Variants in CAP2 observed in about 807,000 individuals in gnomAD.
The protein encoded by CAP2 is adenylyl cyclase-associated protein 2.
Under a neutral mutation model 57.7 loss-of-function variants are expected in CAP2, and 24 were observed. That is an observed-to-expected ratio of 0.42 (90% CI 0.30 to 0.58). The LOEUF is 0.58. CAP2 is among the 20% of genes least tolerant of loss of function. CAP2 has a pLI of 0.22. For missense variants in CAP2, 501 were observed against 590.3 expected (o/e 0.85, Z 1.57); for synonymous variants, 194 against 207.2 (o/e 0.94, Z 0.55).
intron 3 of CAP2, among the ~76,000 whole-genome samples, chr6:17,453,178 G>T (rs1177210379): frequency 6.6e-6 from 1 of 152,208 alleles, no homozygotes; most frequent in Non-Finnish European, 1.5e-5. Flanking sequence ...GGTGGAAACT[G>T]AGATTTGAAG....
intron 4 of CAP2, among the ~76,000 whole-genome samples, chr6:17,484,399 T>C (rs965751004): frequency 5.9e-5 from 9 of 152,224 alleles, no homozygotes; most frequent in Admixed American, 3.9e-4. Flanking sequence ...ACCACAGGGG[T>C]GCCTCTTTGT....
chr6:17,523,081 G>T (rs9477468), intron 7 of CAP2, among the ~76,000 whole-genome samples: 39,123 of 152,096 alleles, frequency 0.26, 6,165 homozygotes, highest in African/African-American at 0.45. Context: ...TAATGACTTA[G>T]GAATTGCATA....
intron 4 of CAP2, among the ~76,000 whole-genome samples, chr6:17,498,914 A>G (rs1256589085): frequency 6.6e-6 from 1 of 151,828 alleles, no homozygotes; most frequent in African/African-American, 2.4e-5. Flanking sequence ...TATCTTTAGT[A>G]GAGGTGGGGT....
At chr6:17,530,142 T>C (rs1185424926) in intron 7 of CAP2, among the ~76,000 whole-genome samples, 2 of 152,184 alleles carry the variant, frequency 1.3e-5, no homozygotes, top group Non-Finnish European at 2.9e-5. Flanking sequence ...GGTGCCATCA[T>C]AGCTCACTGC....
rs1423284548 is a variant in CAP2, at chr6:17,472,283, G to A, written c.300+9210G>A. On this transcript the variant is annotated intron_variant, in intron 4 of 12. Coordinates refer to ENST00000229922, the MANE Select transcript of CAP2 (RefSeq NM_006366.3). ...CGGGAGGCGGAGCTTGCAGTGAGCC[G>A]AGATCCCGCCACTGCACTCCAGCCT... Among the ~76,000 whole-genome samples, 44 of 24,290 alleles carry A rather than the reference G, an allele frequency of 1.8e-3. 13 individuals are homozygous for A. The highest frequency in any genetic ancestry group is 8.6e-4 in the African/African-American group (2 of 2,330). 15.9% of individuals were successfully genotyped at this position (24,290 alleles called of 152,430 possible).
intron 1 of CAP2, among the ~76,000 whole-genome samples, chr6:17,413,612 A>AAATG (rs961299552): frequency 6.6e-6 from 1 of 152,250 alleles, no homozygotes; most frequent in South Asian, 2.1e-4. Flanking sequence ...GCCAGTTAAA[A>AAATG]AATGAATGAA....
At chr6:17,534,372 G>A (rs929692530) in intron 7 of CAP2, among the ~76,000 whole-genome samples, 2 of 152,166 alleles carry the variant, frequency 1.3e-5, no homozygotes, top group Admixed American at 6.5e-5. Flanking sequence ...GCAGAGGCAC[G>A]AATGCAGTCT....
At chr6:17,412,812 A>G (rs934597308) in intron 1 of CAP2, among the ~76,000 whole-genome samples, 2 of 152,150 alleles carry the variant, frequency 1.3e-5, no homozygotes, top group Admixed American at 1.3e-4. Flanking sequence ...GGAGGGGGCA[A>G]ATGGGATGGC....
chr6:17,484,548 ACACCT>A (rs1246158550), intron 4 of CAP2, among the ~76,000 whole-genome samples: 1 of 152,212 alleles, frequency 6.6e-6, no homozygotes, highest in Non-Finnish European at 1.5e-5. Context: ...CAGTTTGTAA[ACACCT>A]CACTTTTCAT....
intron 3 of CAP2, among the ~76,000 whole-genome samples, chr6:17,436,867 C>T (rs1400339560): frequency 6.6e-6 from 1 of 152,108 alleles, no homozygotes; most frequent in Non-Finnish European, 1.5e-5. Flanking sequence ...AGCCACTCCC[C>T]ATCCCTTGCA....
intron 3 of CAP2, among the ~76,000 whole-genome samples, chr6:17,449,278 A>G (rs1307087062): frequency 3.3e-5 from 5 of 152,186 alleles, no homozygotes; most frequent in Non-Finnish European, 5.9e-5. Flanking sequence ...CCCTGGTCCT[A>G]TCCCTGCAAG....
At chr6:17,498,057 C>T (rs1761712682) in intron 4 of CAP2, among the ~76,000 whole-genome samples, 1 of 152,204 alleles carries the variant, frequency 6.6e-6, no homozygotes, top group African/African-American at 2.4e-5. Context: ...AAGTGTCAGA[C>T]ATTGACAGCA....
At chr6:17,542,744 C>T (rs1762936345) in intron 9 of CAP2, 93 bp from the exon 10 acceptor site, 5 of 968,852 alleles carry the variant, frequency 5.2e-6, no homozygotes, top group Admixed American at 4.2e-5. Context: ...ATTGCAAAGC[C>T]ATACTTCATG....
At chr6:17,510,370 A>C (rs963330198) in intron 6 of CAP2, among the ~76,000 whole-genome samples, 1 of 152,234 alleles carries the variant, frequency 6.6e-6, no homozygotes, top group Admixed American at 6.5e-5. Flanking sequence ...AAAAACAAAC[A>C]GCCATTGTAT....
At chr6:17,496,027 T>TGGCG (rs3075209) in intron 4 of CAP2, among the ~76,000 whole-genome samples, 10,119 of 44,112 alleles carry the variant, frequency 0.23, 2,305 homozygotes, top group East Asian at 0.35. Context: ...CGTGTGTGGG[T>TGGCG]GGGGGGGGGG....
chr6:17,535,516 CTTCT>C (rs768811666), intron 7 of CAP2, among the ~76,000 whole-genome samples: 7 of 151,914 alleles, frequency 4.6e-5, no homozygotes, highest in Non-Finnish European at 7.4e-5. Context: ...CTCAGGTGAT[CTTCT>C]GCCTCGGCCT....
chr6:17,488,666 A>G (rs1761477493), intron 4 of CAP2, among the ~76,000 whole-genome samples: 1 of 152,260 alleles, frequency 6.6e-6, no homozygotes, highest in Non-Finnish European at 1.5e-5. Context: ...ATAATACTGA[A>G]TTACAAAGTC....
chr6:17,519,025 G>A (rs1012726906), intron 7 of CAP2, among the ~76,000 whole-genome samples: 4 of 152,068 alleles, frequency 2.6e-5, no homozygotes, highest in Admixed American at 6.6e-5. Context: ...AGTTTATGAC[G>A]ACTTAACATC....
At chr6:17,511,169 A>G (rs908080065) in intron 6 of CAP2, among the ~76,000 whole-genome samples, 18 of 152,164 alleles carry the variant, frequency 1.2e-4, no homozygotes, top group Non-Finnish European at 2.4e-4. Flanking sequence ...TTTTACTGCT[A>G]GGAGTAGTCA....
Sources: allele counts gnomAD v4.1 joint callset (sites outside exome capture counted in the v4.1 genomes callset), GRCh38; gene constraint gnomAD v4.1.1; transcripts MANE v1.5; gene names NCBI Gene and HGNC (gene_info 2026-07-23, HGNC 2026-07-21).